Variants in GPR149 observed in about 807,000 individuals in gnomAD.
GPR149 encodes probable G protein-coupled receptor 149.
In GPR149, 50 loss-of-function variants were observed where a neutral mutation model predicts 50.2. The ratio of observed to expected loss-of-function variants is 1.00; its 90% CI spans 0.79 to 1.26. The LOEUF is 1.26. Among genes scored for constraint, GPR149 ranks in the 50% most tolerant of loss-of-function variants. GPR149 has a pLI of 0.00. For missense variants in GPR149, 983 were observed against 895.4 expected, an observed-to-expected ratio of 1.10 and a Z score of -1.25; for synonymous variants, 405 against 358.2, an observed-to-expected ratio of 1.13 and a Z score of -1.48.
intron 3 of GPR149, among the ~76,000 whole-genome samples, chr3:154,381,863 A>G (rs1277317443): frequency 6.6e-6 from 1 of 152,188 alleles, no homozygotes; most frequent in Non-Finnish European, 1.5e-5. Flanking sequence ...CCTAGCATAA[A>G]TTGTTTAGGA....
intron 3 of GPR149, among the ~76,000 whole-genome samples, chr3:154,361,438 G>A (rs1445143165): frequency 6.6e-6 from 1 of 152,164 alleles, no homozygotes; most frequent in Non-Finnish European, 1.5e-5. Flanking sequence ...TAACCTGATT[G>A]ATAGTGCTTT....
chr3:154,416,585 C>A (rs546318059), intron 3 of GPR149, among the ~76,000 whole-genome samples: 1 of 151,768 alleles, frequency 6.6e-6, no homozygotes, highest in Non-Finnish European at 1.5e-5. Flanking sequence ...TAGAAACCAA[C>A]GCTGCTACTA....
At chr3:154,420,692 G>C (rs1255724064) in intron 3 of GPR149, among the ~76,000 whole-genome samples, 1 of 151,876 alleles carries the variant, frequency 6.6e-6, no homozygotes. Flanking sequence ...TGGAATGGAG[G>C]AGGGAAAAAT....
intron 2 of GPR149, among the ~76,000 whole-genome samples, chr3:154,423,915 T>G (rs565709795): frequency 6.6e-6 from 1 of 151,816 alleles, no homozygotes; most frequent in African/African-American, 2.4e-5. Flanking sequence ...TTGTTACATA[T>G]GTATACATGT....
At chr3:154,416,423 C>G (rs984467030) in intron 3 of GPR149, among the ~76,000 whole-genome samples, 1 of 151,722 alleles carries the variant, frequency 6.6e-6, no homozygotes, top group African/African-American at 2.4e-5. Context: ...CAATCAAAAT[C>G]TGCATTTTAA....
At position 154,336,143 on chromosome 3, in the gene GPR149, CA is replaced by C. The variant is rs1262200338; in HGVS notation, c.*1555del. 2.0e-5 allele frequency: 3 copies of C among 152,100 alleles called. No individual in the cohort carries two copies. The highest frequency in any genetic ancestry group is 3.4e-3 in the Middle Eastern group (1 of 294). The allele number at this position is 152,100 out of a possible 1,614,324, so 9.4% of individuals were successfully genotyped here. A position where few individuals can be genotyped will look rare whatever the true frequency, so the allele number is the denominator to read the frequency against. The stretch of plus-strand genomic sequence containing the variant: ...TACACATTATTTGAGGCTTGCTTTA[CA>C]AACATTATTAGTGGTAATACATATG... On this transcript the variant is annotated 3_prime_UTR_variant, in exon 4 of 4. Transcript: ENST00000389740.
chr3:154,387,543 A>G (rs573746285), intron 3 of GPR149, among the ~76,000 whole-genome samples: 46 of 152,324 alleles, frequency 3.0e-4, no homozygotes, highest in Non-Finnish European at 5.3e-4. Context: ...GGAGCCAAGT[A>G]TAGGTCAGAT....
chr3:154,384,380 T>C (rs1308798919), intron 3 of GPR149, among the ~76,000 whole-genome samples: 1 of 152,180 alleles, frequency 6.6e-6, no homozygotes, highest in African/African-American at 2.4e-5. Context: ...TCAAGGTACA[T>C]ACCTCTACAG....
chr3:154,347,492 G>T (rs1713959189), intron 3 of GPR149, among the ~76,000 whole-genome samples: 2 of 152,280 alleles, frequency 1.3e-5, no homozygotes, highest in Admixed American at 6.5e-5. Flanking sequence ...CTCACACCGG[G>T]TTCCTCCCAT....
chr3:154,419,920 A>T (rs1291515307), intron 3 of GPR149, among the ~76,000 whole-genome samples: 1 of 151,920 alleles, frequency 6.6e-6, no homozygotes, highest in Non-Finnish European at 1.5e-5. Flanking sequence ...ATTTAGTGAT[A>T]TTTTCCTTTG....
chr3:154,375,427 C>T (rs1344316038), intron 3 of GPR149, among the ~76,000 whole-genome samples: 1 of 152,044 alleles, frequency 6.6e-6, no homozygotes, highest in African/African-American at 2.4e-5. Context: ...GTCCAAAATA[C>T]CTGTAGGCTA....
At chr3:154,400,133 C>T (rs1711513888) in intron 3 of GPR149, among the ~76,000 whole-genome samples, 2 of 151,782 alleles carry the variant, frequency 1.3e-5, no homozygotes, top group Non-Finnish European at 2.9e-5. Flanking sequence ...ACTATAGGCG[C>T]CCGCCACTGC....
At chr3:154,401,086 T>G (rs6773259) in intron 3 of GPR149, among the ~76,000 whole-genome samples, 7,645 of 152,292 alleles carry the variant, frequency 0.05, 626 homozygotes, top group African/African-American at 0.17. Flanking sequence ...TATCTTTATC[T>G]TAAAGGATGA....
At chr3:154,389,347 C>G (rs1039083020) in intron 3 of GPR149, among the ~76,000 whole-genome samples, 2 of 152,122 alleles carry the variant, frequency 1.3e-5, no homozygotes, top group Non-Finnish European at 2.9e-5. Context: ...CAAGGACACC[C>G]TCTTGCCAAG....
At chr3:154,412,364 A>G (rs1711859937) in intron 3 of GPR149, among the ~76,000 whole-genome samples, 1 of 152,118 alleles carries the variant, frequency 6.6e-6, no homozygotes, top group African/African-American at 2.4e-5. Context: ...AAGAGAAAGG[A>G]AAAAAGGGCA....
At chr3:154,345,112 T>C (rs1473191116) in intron 3 of GPR149, among the ~76,000 whole-genome samples, 1 of 152,210 alleles carries the variant, frequency 6.6e-6, no homozygotes, top group East Asian at 1.9e-4. Context: ...GTGTCTGGCA[T>C]ATGACAGGCC....
intron 3 of GPR149, among the ~76,000 whole-genome samples, chr3:154,363,493 G>C (rs559226131): frequency 6.6e-6 from 1 of 152,160 alleles, no homozygotes; most frequent in South Asian, 2.1e-4. Context: ...TCCTCTCATA[G>C]CAAAAATGAC....
chr3:154,417,768 T>C lies in GPR149; in HGVS notation c.1623+3271A>G, dbSNP rs1298914068. ...AGAAAAAGATAAAAATGAAAGTCCT[T>C]TCTAAGTCATCATTCACTTCCATGT... On this transcript the variant is annotated intron_variant, in intron 3 of 3. Coordinates refer to ENST00000389740, the MANE Select transcript of GPR149 (RefSeq NM_001038705.3). 2.0e-5 allele frequency among the ~76,000 whole-genome samples: 3 copies of C among 152,072 alleles called. No homozygotes were observed. The East Asian group carries it at 5.8e-4, about 29-fold the overall frequency.
intron 3 of GPR149, among the ~76,000 whole-genome samples, chr3:154,419,087 T>C (rs1317691071): frequency 1.3e-5 from 2 of 152,056 alleles, no homozygotes; most frequent in Non-Finnish European, 2.9e-5. Context: ...CTTTTACCAC[T>C]AATCATTATT....
Sources: allele counts gnomAD v4.1 joint callset (sites outside exome capture counted in the v4.1 genomes callset), GRCh38; gene constraint gnomAD v4.1.1; transcripts MANE v1.5; gene names NCBI Gene and HGNC (gene_info 2026-07-23, HGNC 2026-07-21).